The following BBS9 variants were observed in gnomAD, a reference collection of about 807,000 sequenced individuals.
The protein encoded by BBS9 is Bardet-Biedl syndrome 9.
A neutral mutation model predicts 117.7 loss-of-function variants in BBS9; 89 were observed. The ratio of observed to expected loss-of-function variants is 0.76; its 90% CI spans 0.64 to 0.90. The LOEUF (loss-of-function observed/expected upper bound fraction) is 0.90. Among genes scored for constraint, BBS9 ranks in the 40% least tolerant of loss-of-function variants. The pLI, the probability that BBS9 is intolerant of heterozygous loss-of-function variation, is 0.00. For missense variants in BBS9, 982 were observed against 1,042.2 expected, an observed-to-expected ratio of 0.94 and a Z score of 0.80; for synonymous variants, 379 against 370.9, an observed-to-expected ratio of 1.02 and a Z score of -0.25.
rs1443988616 is a variant in BBS9 at position 33,273,200 on chromosome 7, G to A, written c.886+5G>A. 11 of 1,613,516 alleles carry A rather than the reference G, an allele frequency of 6.8e-6. No homozygotes were observed. The highest frequency in any genetic ancestry group is 5.5e-5 in the South Asian group (5 of 91,070). ...GTTTTCTGCCATATTGCTCAGGTGT[G>A]TAGAAAGATTTTCTTTTATCTCTTC... On this transcript the variant is annotated splice_donor_5th_base_variant and intron_variant, in intron 8 of 22. Coordinates refer to ENST00000242067, the MANE Select transcript of BBS9 (RefSeq NM_198428.3).
intron 21 of BBS9, among the ~76,000 whole-genome samples, chr7:33,554,149 A>C (rs552130119): frequency 6.6e-6 from 1 of 152,272 alleles, no homozygotes; most frequent in South Asian, 2.1e-4. Flanking sequence ...GACAAATGGC[A>C]GGGAGAGTTA....
At chr7:33,230,635 C>CG (rs1792180822) in intron 5 of BBS9, among the ~76,000 whole-genome samples, 1 of 152,130 alleles carries the variant, frequency 6.6e-6, no homozygotes, top group South Asian at 2.1e-4. Context: ...TTTGTGTTCC[C>CG]GTGGGTTAAC....
chr7:33,334,242 C>T (rs1004202898), intron 9 of BBS9, among the ~76,000 whole-genome samples: 21 of 152,306 alleles, frequency 1.4e-4, no homozygotes, highest in Admixed American at 6.5e-4. Flanking sequence ...ATAAACCTTT[C>T]AACTCAAAGA....
intron 1 of BBS9, among the ~76,000 whole-genome samples, chr7:33,143,316 T>C (rs1791814651): frequency 2.0e-5 from 3 of 152,168 alleles, no homozygotes. Context: ...CCATAGTAGC[T>C]ACACCATTTT....
intron 19 of BBS9, among the ~76,000 whole-genome samples, chr7:33,442,583 A>G (rs1836373259): frequency 6.6e-6 from 1 of 152,232 alleles, no homozygotes; most frequent in Non-Finnish European, 1.5e-5. Flanking sequence ...CAATTGATTA[A>G]AATGGAAGCA....
intron 4 of BBS9, among the ~76,000 whole-genome samples, chr7:33,164,015 AT>A (rs1380614492): frequency 6.6e-6 from 1 of 151,946 alleles, no homozygotes; most frequent in African/African-American, 2.4e-5. Flanking sequence ...TGTCCCAGAG[AT>A]TTTGGTACGT....
chr7:33,514,614 A>G (rs936152416), intron 20 of BBS9, among the ~76,000 whole-genome samples: 2 of 152,196 alleles, frequency 1.3e-5, no homozygotes, highest in African/African-American at 2.4e-5. Context: ...GTAACATAAA[A>G]CACATCGAGT....
chr7:33,488,285 A>G (rs1026349517), intron 19 of BBS9, among the ~76,000 whole-genome samples: 3 of 152,184 alleles, frequency 2.0e-5, no homozygotes, highest in Non-Finnish European at 4.4e-5. Flanking sequence ...TCTGTGCTAT[A>G]GGAACAAAAT....
intron 4 of BBS9, among the ~76,000 whole-genome samples, chr7:33,176,060 G>A (rs1380365094): frequency 3.3e-5 from 5 of 152,104 alleles, no homozygotes; most frequent in Non-Finnish European, 7.4e-5. Context: ...AGAGCTAAGG[G>A]TACTCCTCTT....
chr7:33,173,570 CT>C (rs1197373881), intron 4 of BBS9, among the ~76,000 whole-genome samples: 17 of 137,140 alleles, frequency 1.2e-4, no homozygotes, highest in African/African-American at 4.4e-4. Flanking sequence ...AGACTCCATC[CT>C]AAAAAAAAAA....
rs3828996 is a variant in BBS9 at position 33,155,914 on chromosome 7, T to C, written c.328+212T>C. Reference sequence around the variant, plus strand: ...ATGGTCTACTATTTCTGTGTATATGTATCTTTCTAGCAGAGGATTCCTCTT... The same window carrying C: ...ATGGTCTACTATTTCTGTGTATATGCATCTTTCTAGCAGAGGATTCCTCTT... On this transcript the variant is annotated intron_variant, in intron 4 of 22. Coordinates refer to ENST00000242067, the MANE Select transcript of BBS9 (RefSeq NM_198428.3). 0.099 allele frequency among the ~76,000 whole-genome samples: 15,131 copies of C among 152,186 alleles called. 839 individuals carry two copies. The highest frequency in any genetic ancestry group is 0.13 in the African/African-American group (5,531 of 41,526).
intron 19 of BBS9, among the ~76,000 whole-genome samples, chr7:33,425,695 T>C (rs1833562115): frequency 1.3e-5 from 2 of 152,180 alleles, no homozygotes; most frequent in South Asian, 2.1e-4. Flanking sequence ...ATGAGAGGAG[T>C]TGGAAGAAGT....
chr7:33,391,090 G>A (rs1336867099), intron 19 of BBS9, among the ~76,000 whole-genome samples: 4 of 151,906 alleles, frequency 2.6e-5, no homozygotes, highest in African/African-American at 7.3e-5. Flanking sequence ...ATCCTTTTTC[G>A]ACAACTCTCC....
intron 14 of BBS9, chr7:33,352,194 C>G (rs1236029581): frequency 6.5e-6 from 1 of 153,038 alleles, no homozygotes; most frequent in African/African-American, 2.4e-5. Context: ...GTTTTAGTGA[C>G]TAAATAAAAC....
intron 7 of BBS9, among the ~76,000 whole-genome samples, chr7:33,270,021 CAA>C (rs148600222): frequency 4.8e-5 from 6 of 124,712 alleles, no homozygotes; most frequent in Admixed American, 1.6e-4. Context: ...GACTCTGTCT[CAA>C]AAAAAAAAAA....
intron 1 of BBS9, among the ~76,000 whole-genome samples, chr7:33,134,356 C>T (rs1235343065): frequency 5.3e-5 from 8 of 151,926 alleles, no homozygotes; most frequent in Admixed American, 1.3e-4. Context: ...TGAGCCACTG[C>T]GCCTGGCCTT....
chr7:33,352,826 C>T, intron 14 of BBS9, 33 bp from the exon 15 acceptor site: 3 of 1,609,494 alleles, frequency 1.9e-6, no homozygotes, highest in Non-Finnish European at 2.6e-6. Context: ...TTCTTTTCCC[C>T]CTACCCATTT....
intron 21 of BBS9, among the ~76,000 whole-genome samples, chr7:33,596,121 TG>T (rs1862719101): frequency 6.6e-6 from 1 of 151,894 alleles, no homozygotes; most frequent in Admixed American, 6.6e-5. Flanking sequence ...CAAACCACTA[TG>T]GCACACATAT....
At chr7:33,169,833 A>G (rs1317887944) in intron 4 of BBS9, among the ~76,000 whole-genome samples, 4 of 150,750 alleles carry the variant, frequency 2.7e-5, no homozygotes, top group African/African-American at 4.9e-5. Context: ...CCATTTGTCA[A>G]TTTTGTCTTT....
Sources: allele counts gnomAD v4.1 joint callset (sites outside exome capture counted in the v4.1 genomes callset), GRCh38; gene constraint gnomAD v4.1.1; transcripts MANE v1.5; gene names NCBI Gene and HGNC (gene_info 2026-07-23, HGNC 2026-07-21).